The following UMOD variants were observed in gnomAD, a reference collection of about 807,000 sequenced individuals.
The protein encoded by UMOD is uromodulin.
A neutral mutation model predicts 66.0 loss-of-function variants in UMOD; 64 were observed. The observed-to-expected ratio is 0.97, with a 90% CI of 0.79 to 1.19. The LOEUF (loss-of-function observed/expected upper bound fraction) is 1.19. Ranked by LOEUF, UMOD falls within the 50% of genes most tolerant of loss-of-function variation. The pLI is 0.00. For missense variants in UMOD, 764 were observed against 850.9 expected, an observed-to-expected ratio of 0.90 and a Z score of 1.27; for synonymous variants, 398 against 352.7, an observed-to-expected ratio of 1.13 and a Z score of -1.44.
chr16:20,337,601 G>C, intron 7 of UMOD, 148 bp from the exon 8 acceptor site: 1 of 943,156 alleles, frequency 1.1e-6, no homozygotes, highest in South Asian at 1.6e-5. Context: ...TTCTCCATCT[G>C]TACATAAGAA....
intron 10 of UMOD, among the ~76,000 whole-genome samples, chr16:20,335,002 AT>A (rs1964796101): frequency 6.6e-6 from 1 of 151,644 alleles, no homozygotes. Flanking sequence ...TAACTTTTGT[AT>A]TTTTAGTAGA....
At chr16:20,339,455 T>C (rs1728318531) in intron 7 of UMOD, among the ~76,000 whole-genome samples, 1 of 152,212 alleles carries the variant, frequency 6.6e-6, no homozygotes, top group Non-Finnish European at 1.5e-5. Flanking sequence ...GACCATACAA[T>C]GAGGACAAGA....
intron 10 of UMOD, 65 bp from the exon 11 acceptor site, chr16:20,333,440 G>A (rs538113103): frequency 1.3e-5 from 20 of 1,484,840 alleles, no homozygotes; most frequent in Middle Eastern, 1.8e-4. Flanking sequence ...ATTAACATAA[G>A]CTGCCTCGTC....
At chr16:20,336,034 G>A (rs1964848917) in intron 9 of UMOD, among the ~76,000 whole-genome samples, 1 of 152,156 alleles carries the variant, frequency 6.6e-6, no homozygotes, top group African/African-American at 2.4e-5. Flanking sequence ...CCTCCTTCTT[G>A]CCTTGGGGGC....
intron 10 of UMOD, among the ~76,000 whole-genome samples, chr16:20,334,870 T>C (rs2141627283): frequency 6.6e-6 from 1 of 151,768 alleles, no homozygotes; most frequent in East Asian, 1.9e-4. Context: ...TCTTGCTTTG[T>C]TGCCAGGCTG....
intron 2 of UMOD, 137 bp from the exon 3 acceptor site, chr16:20,349,349 A>G (rs1051960884): frequency 1.0e-6 from 1 of 986,794 alleles, no homozygotes; most frequent in Non-Finnish European, 1.5e-6. Flanking sequence ...ACAAGGAAAG[A>G]AGCAAAGAAA....
At chr16:20,338,734 C>T (rs1965019119) in intron 7 of UMOD, among the ~76,000 whole-genome samples, 1 of 151,826 alleles carries the variant, frequency 6.6e-6, no homozygotes, top group African/African-American at 2.4e-5. Flanking sequence ...CCTCGTGATC[C>T]ACCTGCCTCG....
At chr16:20,354,944 C>T (rs1251750434), upstream of UMOD, among the ~76,000 whole-genome samples, 1 of 152,164 alleles carries the variant, frequency 6.6e-6, no homozygotes, top group Non-Finnish European at 1.5e-5. Flanking sequence ...TAGATCACCC[C>T]AAGGGACCAG....
chr16:20,346,325 A>G lies in UMOD; in HGVS notation c.983T>C (p.Leu328Pro). Reference protein sequence around the residue: ...KQDFNITDISLLEHRLECGAN... With the variant: ...KQDFNITDISPLEHRLECGAN... Reference sequence around the variant, plus strand: ...CCCACATTCCAGCCTGTGCTCCAGGAGGGAGATATCTGAAACAGGTTAGGT... The same window carrying G: ...CCCACATTCCAGCCTGTGCTCCAGGGGGGAGATATCTGAAACAGGTTAGGT... Residue 328 changes from leucine (L) to proline (P), a missense_variant, in exon 5 of 11, where the codon CTC becomes CCC. Coordinates refer to ENST00000396138, the MANE Select transcript of UMOD (RefSeq NM_003361.4). 1 of 1,614,230 alleles carries G rather than the reference A, an allele frequency of 6.2e-7. No homozygotes were observed. Among genetic ancestry groups the G allele is most frequent in the South Asian group, 1.1e-5 (1 of 91,086 alleles).
chr16:20,336,653 T>A lies in UMOD; in HGVS notation c.1815A>T (p.Thr605=), dbSNP rs959500218. The A allele has an allele frequency of 1.9e-6, 3 of 1,613,982 alleles. No individual in the cohort carries two copies. The highest frequency in any genetic ancestry group is 3.3e-5 in the Admixed American group (2 of 60,006). ...AGCGAGTGGCTCTCTTACCTTTCCGTGTGATGGGACCCAAGTTCAGGACAC... is the reference window on the plus strand; with the variant it reads ...AGCGAGTGGCTCTCTTACCTTTCCGAGTGATGGGACCCAAGTTCAGGACAC... ...QSRVLNLGPI[T]RKGVQATVSR... is the part of the protein sequence containing the mutation. The change falls in exon 9 of 11, where the codon ACA becomes ACT. Residue 605 remains threonine, a synonymous_variant. Transcript: ENST00000396138.
At chr16:20,335,168 A>G (rs1402082569) in intron 10 of UMOD, among the ~76,000 whole-genome samples, 1 of 152,146 alleles carries the variant, frequency 6.6e-6, no homozygotes, top group Non-Finnish European at 1.5e-5. Context: ...AGTGTTAGAG[A>G]GGAGGCTTGG....
intron 6 of UMOD, 105 bp from the exon 7 acceptor site, chr16:20,341,441 T>C: frequency 1.3e-6 from 2 of 1,574,606 alleles, no homozygotes; most frequent in Middle Eastern, 4.5e-4. Context: ...GTTATTTGCA[T>C]TTTTATCCAG....
intron 2 of UMOD, chr16:20,349,762 G>A (rs1965800211): frequency 5.9e-6 from 9 of 1,523,422 alleles, no homozygotes; most frequent in African/African-American, 1.4e-5. Flanking sequence ...CACATTTTAT[G>A]TTTTCTGCTT....
At chr16:20,339,716 C>T (rs1315465550) in intron 7 of UMOD, among the ~76,000 whole-genome samples, 2 of 152,200 alleles carry the variant, frequency 1.3e-5, no homozygotes, top group African/African-American at 4.8e-5. Context: ...TCTTCTACAA[C>T]CTCTTTGTCA....
Position 20,333,373 on chromosome 16 carries a change from G to A in UMOD, c.1864C>T (p.Leu622Phe). ...AGCAGAGGCAGCCAGACTTTCAGGA[G>A]CCCTGAAAAGAAAACAGTGACAGGG... Reference protein sequence around the residue: ...TVSRAFSSLGLLKVWLPLLLS... With the variant: ...TVSRAFSSLGFLKVWLPLLLS... The change falls in exon 11 of 11, where the codon CTC becomes TTC. Residue 622 changes from leucine (L) to phenylalanine (F), a missense_variant and splice_region_variant. Transcript: ENST00000396138. 6.2e-7 allele frequency: 1 copy of A among 1,612,092 alleles called. No homozygotes were observed. The highest frequency in any genetic ancestry group is 1.1e-5 in the South Asian group (1 of 90,626).
At chr16:20,351,013 T>G (rs1401023564) in intron 1 of UMOD, 174 bp from the exon 2 acceptor site, 1 of 508,244 alleles carries the variant, frequency 2.0e-6, no homozygotes, top group Non-Finnish European at 3.4e-6. Context: ...GTACTCCCCC[T>G]CCTTACCTCA....
At chr16:20,344,278 T>A in intron 5 of UMOD, 106 bp from the exon 6 acceptor site, 1 of 1,149,270 alleles carries the variant, frequency 8.7e-7, no homozygotes, top group Non-Finnish European at 1.3e-6. Context: ...GTCTGGCTAC[T>A]TGTGAGCCGC....
chr16:20,347,626 A>G (rs1264528286), intron 4 of UMOD, among the ~76,000 whole-genome samples: 5 of 152,220 alleles, frequency 3.3e-5, no homozygotes, highest in African/African-American at 7.2e-5. Flanking sequence ...GATTCAGTCC[A>G]TTAGAAGAAA....
chr16:20,340,493 T>TATATATAA (rs1491178174), intron 7 of UMOD, among the ~76,000 whole-genome samples: 2 of 92,544 alleles, frequency 2.2e-5, no homozygotes, highest in South Asian at 6.3e-4. Flanking sequence ...TATATATATA[T>TATATATAA]AATACATAAA....
Sources: gnomAD v4.1 joint callset for allele counts (sites outside exome capture counted in the v4.1 genomes callset) on GRCh38, gnomAD v4.1.1 for gene constraint, MANE v1.5 for transcripts, NCBI Gene and HGNC (gene_info 2026-07-23, HGNC 2026-07-21) for gene names.